The following RTL4 variants were observed in gnomAD, a reference collection of about 807,000 sequenced individuals.
RTL4 encodes the protein retrotransposon Gag like 4.
Under a neutral mutation model 5.3 loss-of-function variants are expected in RTL4, and 4 were observed. The ratio of observed to expected loss-of-function variants is 0.75; its 90% confidence interval spans 0.37 to 1.72. The LOEUF (loss-of-function observed/expected upper bound fraction) is 1.72. RTL4 is among the 40% of genes most tolerant of loss of function. The pLI, the probability that RTL4 is intolerant of heterozygous loss-of-function variation, is 0.04. For missense variants in RTL4, 260 were observed against 227.1 expected (o/e 1.14, Z -0.93); for synonymous variants, 98 against 87.3 (o/e 1.12, Z -0.68).
At chrX:112,295,873 G>C in the RTL4 span, among the ~76,000 whole-genome samples, 500 of 112,314 alleles carry the variant, frequency 4.5e-3, 1 homozygote, top group African/African-American at 0.016. Context: ...AATGCCTAAA[G>C]ATTGTACCCA....
At chrX:112,122,533 A>T in the RTL4 span, among the ~76,000 whole-genome samples, 1 of 110,690 alleles carries the variant, frequency 9.0e-6, no homozygotes, top group African/African-American at 3.3e-5. Flanking sequence ...AGCATAAACA[A>T]TTTTTTACTA....
chrX:112,155,445 A>G, the RTL4 span, among the ~76,000 whole-genome samples: 1 of 111,417 alleles, frequency 9.0e-6, no homozygotes, highest in African/African-American at 3.3e-5. Context: ...AAATAAAGAT[A>G]AGCCCTGTGA....
chrX:112,175,045 T>C, the RTL4 span, among the ~76,000 whole-genome samples: 1 of 95,959 alleles, frequency 1.0e-5, no homozygotes, highest in Non-Finnish European at 2.1e-5. Context: ...TTCACTCTGA[T>C]GGTAGTTTCT....
At chrX:112,150,597 T>C in the RTL4 span, among the ~76,000 whole-genome samples, 2,198 of 112,165 alleles carry the variant, frequency 0.02, 23 homozygotes, top group Middle Eastern at 0.052. Flanking sequence ...TTTAAAATTT[T>C]CAGAGTAAAA....
chrX:112,258,121 AAGTTTAATT>A, the RTL4 span, among the ~76,000 whole-genome samples: 1 of 109,980 alleles, frequency 9.1e-6, no homozygotes, highest in Non-Finnish European at 1.9e-5. Flanking sequence ...TGTTTTCCAT[AAGTTTAATT>A]TTATTTTAAA....
the RTL4 span, among the ~76,000 whole-genome samples, chrX:112,209,627 G>T: frequency 5.4e-5 from 6 of 111,559 alleles, no homozygotes; most frequent in Non-Finnish European, 9.4e-5. Flanking sequence ...ATGGGCATTT[G>T]AGCCACTTCC....
At chrX:112,267,453 G>T in the RTL4 span, among the ~76,000 whole-genome samples, 5 of 111,783 alleles carry the variant, frequency 4.5e-5, no homozygotes, top group African/African-American at 1.3e-4. Flanking sequence ...TTCCTTCTCA[G>T]TCTCTGCTGA....
the RTL4 span, among the ~76,000 whole-genome samples, chrX:112,100,645 G>A: frequency 8.9e-6 from 1 of 111,760 alleles, no homozygotes; most frequent in Non-Finnish European, 1.9e-5. Context: ...GGAAAAAAGA[G>A]TCTGGATGTA....
the RTL4 span, among the ~76,000 whole-genome samples, chrX:112,158,032 A>T: frequency 3.6e-5 from 4 of 110,971 alleles, no homozygotes; most frequent in East Asian, 1.1e-3. Flanking sequence ...AGTTCTTGGG[A>T]TCTAGCTTGC....
the RTL4 span, among the ~76,000 whole-genome samples, chrX:112,404,907 C>T: frequency 1.8e-5 from 2 of 112,183 alleles, no homozygotes; most frequent in African/African-American, 3.2e-5. Context: ...TAGTTGCTAA[C>T]TTCTTTTTGC....
the RTL4 span, among the ~76,000 whole-genome samples, chrX:112,309,368 C>T: frequency 2.7e-5 from 3 of 111,273 alleles, no homozygotes; most frequent in Non-Finnish European, 3.8e-5. Context: ...CTAAACCTAA[C>T]TACCACCCCA....
At chrX:112,199,087 G>A in the RTL4 span, among the ~76,000 whole-genome samples, 19 of 110,276 alleles carry the variant, frequency 1.7e-4, no homozygotes, top group African/African-American at 5.9e-4. Context: ...AGGAGATCGA[G>A]ACCATCCTGG....
Position 112,455,746 on chromosome X carries a change from G to A in RTL4, c.*85G>A, listed in dbSNP as rs754417897. 1.3e-5 allele frequency: 12 copies of A among 909,762 alleles called. No homozygotes were observed. The South Asian group carries it at 2.7e-4, about 21-fold the overall frequency. The allele number at this position is 909,762 out of a possible 1,213,427, so 75.0% of individuals were successfully genotyped here. ...GCATTAACTTTTAAAATACAGATGG[G>A]GAACTGTGACACCACTTTATAGGCA... is the stretch of plus-strand genomic sequence containing the variant. On this transcript the variant is annotated 3_prime_UTR_variant, in exon 1 of 1. Coordinates refer to ENST00000340433, the Ensembl canonical transcript of RTL4.
the RTL4 span, among the ~76,000 whole-genome samples, chrX:112,161,840 CCTTCCTTT>C: frequency 1.5e-3 from 61 of 40,064 alleles, no homozygotes; most frequent in South Asian, 1.8e-3. Flanking sequence ...TTCCTTCCTT[CCTTCCTTT>C]CTTTCTTTCT....
the RTL4 span, among the ~76,000 whole-genome samples, chrX:112,149,734 T>C: frequency 8.9e-6 from 1 of 112,320 alleles, no homozygotes; most frequent in Non-Finnish European, 1.9e-5. Flanking sequence ...TAAGGTGCAA[T>C]GAATAAGGCA....
chrX:112,261,922 G>GA, the RTL4 span, among the ~76,000 whole-genome samples: 2 of 111,677 alleles, frequency 1.8e-5, no homozygotes, highest in Non-Finnish European at 3.8e-5. Flanking sequence ...TGACAAACCT[G>GA]AAAAAAACAA....
the RTL4 span, among the ~76,000 whole-genome samples, chrX:112,411,040 C>T: frequency 9.0e-6 from 1 of 111,480 alleles, no homozygotes; most frequent in Non-Finnish European, 1.9e-5. Context: ...GGAGAGATTA[C>T]AGCTGATACT....
the RTL4 span, among the ~76,000 whole-genome samples, chrX:112,316,322 T>C: frequency 8.9e-6 from 1 of 111,887 alleles, no homozygotes; most frequent in Non-Finnish European, 1.9e-5. Flanking sequence ...GGCTTAGGCA[T>C]GTATTATTTT....
the RTL4 span, among the ~76,000 whole-genome samples, chrX:112,317,042 G>A: frequency 5.8e-3 from 643 of 111,518 alleles, 4 homozygotes; most frequent in African/African-American, 0.019. Context: ...TCTTTTTTGC[G>A]GACGGTGGGA....
Sources: gnomAD v4.1 joint callset for allele counts (sites outside exome capture counted in the v4.1 genomes callset) on GRCh38, gnomAD v4.1.1 for gene constraint, MANE v1.5 for transcripts, NCBI Gene and HGNC (gene_info 2026-07-23, HGNC 2026-07-21) for gene names.